The following RALGPS1 variants were observed in gnomAD, a reference collection of about 807,000 sequenced individuals.
The protein encoded by RALGPS1 is Ral GEF with PH domain and SH3 binding motif 1, also known as ras-specific guanine nucleotide-releasing factor RalGPS1.
In RALGPS1, 19 loss-of-function variants were observed where a neutral mutation model predicts 78.8. That is an observed-to-expected ratio of 0.24 (90% CI 0.17 to 0.35). RALGPS1 has a LOEUF of 0.35. RALGPS1 is among the 10% of genes least tolerant of loss of function. RALGPS1 has a pLI of 1.00. For synonymous variants in RALGPS1, 228 were observed against 256.3 expected, an observed-to-expected ratio of 0.89 and a Z score of 1.06; for missense variants, 454 against 688.3, an observed-to-expected ratio of 0.66 and a Z score of 3.81.
chr9:127,081,560 G>A lies in RALGPS1; in HGVS notation c.610+12204G>A, dbSNP rs375887415. Among the ~76,000 whole-genome samples, 4 of 152,356 alleles carry A rather than the reference G, an allele frequency of 2.6e-5. No individual in the cohort carries two copies. In the East Asian group the frequency reaches 7.7e-4, roughly 29 times the overall value. On this transcript the variant is annotated intron_variant, in intron 8 of 18. Coordinates refer to ENST00000259351, the MANE Select transcript of RALGPS1 (RefSeq NM_014636.3). ...AATCGTTTTCCCTTGTTGAGATGAC[G>A]AGGGCGTAGGCCTCTGTCATCACAT...
At chr9:126,980,771 C>T (rs2041174585) in intron 4 of RALGPS1, among the ~76,000 whole-genome samples, 1 of 152,192 alleles carries the variant, frequency 6.6e-6, no homozygotes, top group African/African-American at 2.4e-5. Flanking sequence ...CTGTCTGAGC[C>T]CTGACCCTAG....
chr9:127,000,534 CTTTTTTTTTTTTTTT>C (rs1163116649), intron 4 of RALGPS1, among the ~76,000 whole-genome samples: 12 of 33,340 alleles, frequency 3.6e-4, no homozygotes, highest in African/African-American at 9.3e-4. Context: ...CTTGTCTTGT[CTTTTTTTTTTTTTTT>C]TTTTTTTTTT....
chr9:126,974,841 C>A (rs1007359018), intron 3 of RALGPS1, among the ~76,000 whole-genome samples: 5 of 151,896 alleles, frequency 3.3e-5, no homozygotes, highest in African/African-American at 1.2e-4. Flanking sequence ...AATGCCTTTT[C>A]TCTCCAGGAA....
chr9:127,044,581 T>G (rs1052902508), intron 5 of RALGPS1, among the ~76,000 whole-genome samples: 1 of 152,134 alleles, frequency 6.6e-6, no homozygotes, highest in Non-Finnish European at 1.5e-5. Context: ...AAAAAATAAT[T>G]TCATGTTTTA....
chr9:127,018,644 G>C (rs376646888), intron 4 of RALGPS1, among the ~76,000 whole-genome samples: 1 of 95,520 alleles, frequency 1.0e-5, no homozygotes, highest in African/African-American at 4.4e-5. Flanking sequence ...AAATAATAAT[G>C]ATGATAATAA....
At chr9:127,195,354 T>A (rs2061300467) in intron 12 of RALGPS1, 137 bp downstream of exon 12, 4 of 1,225,128 alleles carry the variant, frequency 3.3e-6, no homozygotes, top group Non-Finnish European at 4.5e-6. Flanking sequence ...GCTCTTGGAA[T>A]CCTGGCCAGT....
At chr9:127,106,601 C>T (rs184802255) in intron 8 of RALGPS1, among the ~76,000 whole-genome samples, 16 of 152,300 alleles carry the variant, frequency 1.1e-4, no homozygotes, top group Admixed American at 7.8e-4. Context: ...TGGTGGAAAC[C>T]GGATTTAAAT....
chr9:127,060,109 C>G (rs957025577), intron 7 of RALGPS1, among the ~76,000 whole-genome samples: 1 of 152,114 alleles, frequency 6.6e-6, no homozygotes, highest in African/African-American at 2.4e-5. Context: ...AATGCCTGCA[C>G]AGAGAGGAGA....
chr9:127,145,463 G>A (rs892944369), intron 8 of RALGPS1, among the ~76,000 whole-genome samples: 2 of 152,088 alleles, frequency 1.3e-5, no homozygotes, highest in African/African-American at 4.8e-5. Context: ...CTACCCTTAT[G>A]TTTTCAAAAA....
At chr9:126,956,256 A>G (rs1159615954) in intron 1 of RALGPS1, among the ~76,000 whole-genome samples, 2 of 152,048 alleles carry the variant, frequency 1.3e-5, no homozygotes, top group Non-Finnish European at 2.9e-5. Context: ...GGGCGGGGCT[A>G]GGCCAGGCTA....
Position 127,211,712 on chromosome 9 carries a change from C to T in RALGPS1, c.1248-419C>T, listed in dbSNP as rs1040649958. Among the ~76,000 whole-genome samples the T allele has an allele frequency of 6.6e-6, 1 of 152,274 alleles. No homozygotes were observed. Among genetic ancestry groups the T allele is most frequent in the African/African-American group, 2.4e-5 (1 of 41,548 alleles). ...CCTCCACACCACCTCTTCCCTTCCTCGCTGCTCTCTGAGGCTCCTGCCAAC... is the reference window on the plus strand; with the variant it reads ...CCTCCACACCACCTCTTCCCTTCCTTGCTGCTCTCTGAGGCTCCTGCCAAC... On this transcript the variant is annotated intron_variant, in intron 14 of 18. Coordinates refer to ENST00000259351, the MANE Select transcript of RALGPS1 (RefSeq NM_014636.3). The surrounding 1 kb of genome is among the most constrained non-coding windows in gnomAD (Gnocchi z 5.0).
rs765006237 is a variant in RALGPS1 at position 127,174,788 on chromosome 9, G to T, written c.910+6G>T. ...TTCCAAGGAAGATCTTGCAGGTATC[G>T]TAGCTACCTCGAGTGGGAGCAAACC... On this transcript the variant is annotated splice_donor_region_variant and intron_variant, in intron 11 of 18. Transcript: ENST00000259351. The T allele has an allele frequency of 3.1e-6, 5 of 1,613,366 alleles. No homozygotes were observed. The highest frequency in any genetic ancestry group is 4.2e-6 in the Non-Finnish European group (5 of 1,179,410).
At chr9:126,950,698 C>T (rs2037728320) in intron 1 of RALGPS1, among the ~76,000 whole-genome samples, 1 of 151,324 alleles carries the variant, frequency 6.6e-6, no homozygotes, top group African/African-American at 2.4e-5. Flanking sequence ...CACTAAATGC[C>T]CACAAGAGAA....
chr9:127,044,845 G>A (rs988543874), intron 5 of RALGPS1, among the ~76,000 whole-genome samples: 2 of 152,184 alleles, frequency 1.3e-5, no homozygotes, highest in African/African-American at 2.4e-5. Flanking sequence ...GGTTGCATAT[G>A]GAGGATGCCT....
chr9:127,151,729 G>A (rs1011445558), intron 8 of RALGPS1, among the ~76,000 whole-genome samples: 1 of 152,040 alleles, frequency 6.6e-6, no homozygotes, highest in African/African-American at 2.4e-5. Context: ...TTCTTTCCTG[G>A]AACCTAATAA....
At chr9:127,141,902 G>T in intron 8 of RALGPS1, among the ~76,000 whole-genome samples, 1 of 151,834 alleles carries the variant, frequency 6.6e-6, no homozygotes, top group Non-Finnish European at 1.5e-5. Flanking sequence ...TGTCATTTGG[G>T]GTTATGTATT....
chr9:127,099,438 T>G (rs2053500343), intron 8 of RALGPS1, among the ~76,000 whole-genome samples: 1 of 152,242 alleles, frequency 6.6e-6, no homozygotes, highest in Non-Finnish European at 1.5e-5. Flanking sequence ...TGACTAACTG[T>G]TGAAATTGGA....
intron 8 of RALGPS1, among the ~76,000 whole-genome samples, chr9:127,101,014 A>G (rs527996312): frequency 6.6e-6 from 1 of 152,174 alleles, no homozygotes; most frequent in Non-Finnish European, 1.5e-5. Context: ...ACTTGTCTTC[A>G]TGATTTCTTG....
At chr9:126,916,814 C>T (rs115631084) in intron 1 of RALGPS1, among the ~76,000 whole-genome samples, 195 of 152,182 alleles carry the variant, frequency 1.3e-3, no homozygotes, top group African/African-American at 4.5e-3. Context: ...AAAGAAGACC[C>T]CCAAAAGAAG....
Sources: gnomAD v4.1 joint callset for allele counts (sites outside exome capture counted in the v4.1 genomes callset) on GRCh38, gnomAD v4.1.1 for gene constraint, Gnocchi (gnomAD v3.1) non-coding constraint, MANE v1.5 for transcripts, NCBI Gene and HGNC (gene_info 2026-07-23, HGNC 2026-07-21) for gene names.